Variants in C4orf51 observed in about 807,000 individuals in gnomAD.
The protein encoded by C4orf51 is uncharacterized protein C4orf51.
C4orf51 carries 25 observed loss-of-function variants against 25.2 expected under a neutral mutation model. The ratio of observed to expected loss-of-function variants is 0.99; its 90% CI spans 0.72 to 1.39. The LOEUF (loss-of-function observed/expected upper bound fraction) is 1.39, where lower values mean the gene tolerates loss of function less well. Ranked by LOEUF, C4orf51 falls within the 40% of genes most tolerant of loss-of-function variation. The pLI is 0.00. For missense variants in C4orf51, 252 were observed against 239.6 expected (o/e 1.05, Z -0.34); for synonymous variants, 100 against 84.5 (o/e 1.18, Z -1.01).
chr4:145,788,932 T>C, the C4orf51 span, among the ~76,000 whole-genome samples: 1 of 152,280 alleles, frequency 6.6e-6, no homozygotes, highest in Admixed American at 6.5e-5. Flanking sequence ...ATGTGGGTTT[T>C]TGTTTTGTTT....
chr4:145,683,201 G>A (rs1002586857), intron 1 of C4orf51, among the ~76,000 whole-genome samples: 1 of 152,140 alleles, frequency 6.6e-6, no homozygotes, highest in African/African-American at 2.4e-5. Context: ...AACAAAATAT[G>A]TACAAGGTCT....
At position 145,765,487 on chromosome 4, in the gene C4orf51, C is replaced by T. The variant is rs115676530; in HGVS notation, n.167-5501C>T. 3,202 of 1,542,828 alleles carry T rather than the reference C, an allele frequency of 2.1e-3. 71 individuals carry two copies. The African/African-American group carries it at 0.04, about 19-fold the overall frequency. The stretch of plus-strand genomic sequence containing the variant: ...ATCGCTCCTGTGCAGGGCTTATTCT[C>T]AAGAATGGGTCATCCTGGGTGCGGA... On this transcript the variant is annotated intron_variant and non_coding_transcript_variant, in intron 1 of 1. Coordinates refer to the C4orf51 transcript ENST00000510096. The surrounding 1 kb of genome is among the most constrained non-coding windows in gnomAD (Gnocchi z 4.7).
intron 1 of C4orf51, among the ~76,000 whole-genome samples, chr4:145,742,620 A>C (rs1579023181): frequency 7.1e-6 from 1 of 141,030 alleles, no homozygotes; most frequent in Non-Finnish European, 1.5e-5. Context: ...GCTCACTGCA[A>C]CCTCCACTTC....
At chr4:145,712,003 A>G (rs771326898) in intron 2 of C4orf51, among the ~76,000 whole-genome samples, 3 of 152,184 alleles carry the variant, frequency 2.0e-5, no homozygotes, top group Non-Finnish European at 4.4e-5. Context: ...CTGTTATGGT[A>G]ATCTGCAATT....
At chr4:145,703,621 T>G (rs1730608541) in intron 2 of C4orf51, among the ~76,000 whole-genome samples, 1 of 152,246 alleles carries the variant, frequency 6.6e-6, no homozygotes, top group Non-Finnish European at 1.5e-5. Flanking sequence ...TAGTTCCATT[T>G]GTTTATTTTT....
At position 145,768,916 on chromosome 4, in the gene C4orf51, T is replaced by TAAAA. The variant is rs34051922; in HGVS notation, n.167-2072_167-2071insAAAA. Among the ~76,000 whole-genome samples, 163 of 34,422 alleles carry TAAAA rather than the reference T, an allele frequency of 4.7e-3. 40 individuals are homozygous for TAAAA. Among genetic ancestry groups the TAAAA allele is most frequent in the Middle Eastern group, 0.053 (2 of 38 alleles). The allele number at this position is 34,422 out of a possible 152,430, so 22.6% of individuals were successfully genotyped here. ...ATATATATATATATATATATATATA[T>TAAAA]TAGGTATACAAAGTTTGGAAATAGA... On this transcript the variant is annotated intron_variant and non_coding_transcript_variant, in intron 1 of 1. Coordinates refer to the C4orf51 transcript ENST00000510096.
chr4:145,747,393 T>C (rs1453224636), intron 1 of C4orf51, among the ~76,000 whole-genome samples: 1 of 151,676 alleles, frequency 6.6e-6, no homozygotes, highest in East Asian at 1.9e-4. Flanking sequence ...TTTTGAGGTT[T>C]TTTTTTTTTA....
At chr4:145,757,184 T>G (rs535885048), downstream of C4orf51, among the ~76,000 whole-genome samples, 1 of 152,358 alleles carries the variant, frequency 6.6e-6, no homozygotes, top group African/African-American at 2.4e-5. Context: ...GGATAGATTA[T>G]TATTTAGTTT....
At chr4:145,779,647 G>A in the C4orf51 span, 2 of 1,229,912 alleles carry the variant, frequency 1.6e-6, no homozygotes, top group Non-Finnish European at 2.2e-6. Context: ...TCCGTAACTG[G>A]TTTTCCTGCT....
chr4:145,765,438 C>T lies in C4orf51; in HGVS notation n.167-5550C>T. ...TAGGTGAGGCCCAGCATACTGCATC[C>T]TGGGCCTATTATCAGTTTTTGACAT... On this transcript the variant is annotated intron_variant and non_coding_transcript_variant, in intron 1 of 1. Coordinates refer to the C4orf51 transcript ENST00000510096. The surrounding 1 kb of genome is among the most constrained non-coding windows in gnomAD (Gnocchi z 4.7). The T allele has an allele frequency of 7.5e-7, 1 of 1,331,630 alleles. No individual in the cohort carries two copies. The highest frequency in any genetic ancestry group is 1.5e-5 in the South Asian group (1 of 66,640). The allele number at this position is 1,331,630 out of a possible 1,614,324, so 82.5% of individuals were successfully genotyped here.
intron 1 of C4orf51, chr4:145,764,939 G>A (rs747455986): frequency 6.2e-7 from 1 of 1,608,188 alleles, no homozygotes; most frequent in Non-Finnish European, 8.5e-7. Context: ...GAAGGGGAAA[G>A]GGTATTTAAT....
chr4:145,690,949 C>T, intron 1 of C4orf51, among the ~76,000 whole-genome samples: 1 of 151,474 alleles, frequency 6.6e-6, no homozygotes, highest in African/African-American at 2.4e-5. Context: ...GCTCCCACCC[C>T]CCACAAAAAA....
At chr4:145,767,383 T>G (rs756412020) in intron 1 of C4orf51, among the ~76,000 whole-genome samples, 22 of 152,288 alleles carry the variant, frequency 1.4e-4, no homozygotes, top group Non-Finnish European at 2.8e-4. Flanking sequence ...ATCAGTGAAC[T>G]GTGGGATGCC....
chr4:145,745,239 G>A (rs993709017), intron 1 of C4orf51, among the ~76,000 whole-genome samples: 1 of 151,094 alleles, frequency 6.6e-6, no homozygotes, highest in Admixed American at 6.6e-5. Context: ...TTCTCTTTTA[G>A]TTATTATAAA....
intron 1 of C4orf51, among the ~76,000 whole-genome samples, chr4:145,696,253 T>C (rs1578941153): frequency 6.6e-6 from 1 of 152,000 alleles, no homozygotes; most frequent in Non-Finnish European, 1.5e-5. Context: ...AGAGTGAGTC[T>C]CCGTCTCAAA....
At chr4:145,755,600 TAAA>T (rs1733890872), downstream of C4orf51, among the ~76,000 whole-genome samples, 2 of 143,958 alleles carry the variant, frequency 1.4e-5, no homozygotes, top group Non-Finnish European at 3.0e-5. Flanking sequence ...TACTACTTCA[TAAA>T]GAAGAAGAGG....
At chr4:145,726,355 T>C (rs1732054860) in intron 2 of C4orf51, among the ~76,000 whole-genome samples, 1 of 152,198 alleles carries the variant, frequency 6.6e-6, no homozygotes, top group East Asian at 1.9e-4. Context: ...TTCGAAAATA[T>C]TCAATTTTCC....
chr4:145,716,712 C>T (rs1731434786), intron 2 of C4orf51, among the ~76,000 whole-genome samples: 1 of 152,134 alleles, frequency 6.6e-6, no homozygotes, highest in Admixed American at 6.5e-5. Flanking sequence ...AGTTATCCTG[C>T]AGCCTTATTG....
chr4:145,784,124 A>G, the C4orf51 span, among the ~76,000 whole-genome samples: 1 of 152,138 alleles, frequency 6.6e-6, no homozygotes, highest in Non-Finnish European at 1.5e-5. Flanking sequence ...GCCTCCCCAG[A>G]AGCCAAGCAG....
Sources: allele counts gnomAD v4.1 joint callset (sites outside exome capture counted in the v4.1 genomes callset), GRCh38; gene constraint gnomAD v4.1.1; non-coding constraint Gnocchi (gnomAD v3.1); transcripts MANE v1.5; gene names NCBI Gene and HGNC (gene_info 2026-07-23, HGNC 2026-07-21).